ITPR1: variants seen among roughly 807,000 people sequenced by gnomAD.
ITPR1 encodes the protein inositol 1,4,5-trisphosphate receptor type 1, also known as inositol 1,4,5-trisphosphate-gated calcium channel ITPR1.
ITPR1 carries 96 observed loss-of-function variants against 318.4 expected under a neutral mutation model. The ratio of observed to expected loss-of-function variants is 0.30; its 90% confidence interval spans 0.26 to 0.36. The LOEUF is 0.36. ITPR1 is among the 10% of genes least tolerant of loss of function. ITPR1 has a pLI of 1.00. For missense variants in ITPR1, 2,440 were observed against 3,460.2 expected (o/e 0.71, Z 7.40); for synonymous variants, 1,312 against 1,289.9 (o/e 1.02, Z -0.37).
intron 61 of ITPR1, among the ~76,000 whole-genome samples, chr3:4,838,425 C>T (rs570822311): frequency 6.6e-6 from 1 of 151,964 alleles, no homozygotes; most frequent in East Asian, 1.9e-4. Flanking sequence ...CACTGCCCCC[C>T]CAACCCCCCA....
At chr3:4,640,464 G>T (rs946960413) in intron 6 of ITPR1, among the ~76,000 whole-genome samples, 1 of 152,272 alleles carries the variant, frequency 6.6e-6, no homozygotes, top group East Asian at 1.9e-4. Context: ...CTTCAGAATG[G>T]ACACAGGTGT....
rs370114114 is a variant in ITPR1, at chr3:4,717,222, C to T, written c.5104-145C>T. 351 of 717,902 alleles carry T rather than the reference C, an allele frequency of 4.9e-4. 6 individuals are homozygous for T. The South Asian group carries it at 4.9e-3, about 10-fold the overall frequency. 44.5% of individuals were successfully genotyped at this position (717,902 alleles called of 1,614,324 possible). A position where few individuals can be genotyped will look rare whatever the true frequency, so the allele number is the denominator to read the frequency against. On this transcript the variant is annotated intron_variant, in intron 39 of 61. Transcript: ENST00000649015. ...CTGTGAGCTCTGGCCGTGTCCTAAG[C>T]GCCCAAGCCTCTTAGGATGGTTACC...
At chr3:4,693,823 G>C (rs751090250) in intron 33 of ITPR1, 82 bp downstream of exon 33, 35 of 1,469,582 alleles carry the variant, frequency 2.4e-5, no homozygotes, top group African/African-American at 6.9e-5. Flanking sequence ...CATGGTGGTG[G>C]CTGGCCTGGG....
chr3:4,709,509 G>A (rs2125278955), intron 37 of ITPR1, among the ~76,000 whole-genome samples: 1 of 152,330 alleles, frequency 6.6e-6, no homozygotes, highest in South Asian at 2.1e-4. Context: ...CCAACGTGCT[G>A]TGTTTGGCCC....
intron 4 of ITPR1, among the ~76,000 whole-genome samples, chr3:4,578,923 G>C (rs139253749): frequency 2.6e-5 from 4 of 152,206 alleles, no homozygotes; most frequent in South Asian, 2.1e-4. Flanking sequence ...CAGGGTCAAG[G>C]CATCTTTTGT....
Position 4,815,047 on chromosome 3 carries a change from T to G in ITPR1, c.7702-6T>G, listed in dbSNP as rs2049202953. ...CCAGACTGATCCAGACACCTCTCTTTTCCAGGAACCCCTGTTTGCTGCTAG... is the reference window on the plus strand; with the variant it reads ...CCAGACTGATCCAGACACCTCTCTTGTCCAGGAACCCCTGTTTGCTGCTAG... On this transcript the variant is annotated splice_region_variant and splice_polypyrimidine_tract_variant and intron_variant, in intron 58 of 61. Coordinates refer to ENST00000649015, the MANE Select transcript of ITPR1 (RefSeq NM_001378452.1). The G allele has an allele frequency of 6.2e-7, 1 of 1,605,678 alleles. No individual in the cohort carries two copies. Among genetic ancestry groups the G allele is most frequent in the African/African-American group, 1.3e-5 (1 of 74,736 alleles).
chr3:4,510,337 T>C (rs567289165), intron 2 of ITPR1, among the ~76,000 whole-genome samples: 4 of 152,266 alleles, frequency 2.6e-5, no homozygotes, highest in African/African-American at 4.8e-5. Context: ...GGAAATGATA[T>C]GGTCTGATTT....
chr3:4,705,628 G>C (rs994039607), intron 36 of ITPR1, among the ~76,000 whole-genome samples: 1 of 152,178 alleles, frequency 6.6e-6, no homozygotes, highest in Non-Finnish European at 1.5e-5. Context: ...TTATGGGTTT[G>C]ACTGATGTTT....
At chr3:4,682,844 C>T (rs530688461) in intron 26 of ITPR1, among the ~76,000 whole-genome samples, 3 of 151,914 alleles carry the variant, frequency 2.0e-5, no homozygotes, top group South Asian at 4.2e-4. Context: ...AATTGACTAG[C>T]AGTGCTCAGT....
intron 10 of ITPR1, among the ~76,000 whole-genome samples, chr3:4,651,187 C>T (rs540762443): frequency 1.3e-5 from 2 of 152,286 alleles, no homozygotes; most frequent in African/African-American, 2.4e-5. Context: ...AGCTTTCAGA[C>T]ACCTTGTTTT....
intron 4 of ITPR1, among the ~76,000 whole-genome samples, chr3:4,573,497 C>G (rs1403310934): frequency 1.3e-5 from 2 of 152,170 alleles, no homozygotes; most frequent in Non-Finnish European, 2.9e-5. Flanking sequence ...AGAATATAAG[C>G]TACATATTGT....
chr3:4,590,679 G>C (rs554531498), intron 4 of ITPR1, among the ~76,000 whole-genome samples: 1 of 151,954 alleles, frequency 6.6e-6, no homozygotes, highest in Non-Finnish European at 1.5e-5. Context: ...GGGACTACAG[G>C]CATGTGCCAG....
Position 4,814,436 on chromosome 3 carries a change from A to C in ITPR1, c.7575A>C (p.Ala2525=). ...SPAPREELVP[A]EETEQDKEHT... is the part of the protein sequence containing the mutation. ...CCGTGTTCACAGAGCTGGTCCCTGC[A>C]GAAGAGACGGAACAGGATAAAGAGC... The change falls in exon 58 of 62, where the codon GCA becomes GCC. Residue 2525 remains alanine (A), a synonymous_variant. Transcript: ENST00000649015. The C allele has an allele frequency of 6.2e-7, 1 of 1,614,012 alleles. No homozygotes were observed. Among genetic ancestry groups the C allele is most frequent in the East Asian group, 2.2e-5 (1 of 44,878 alleles).
At chr3:4,523,365 T>A (rs1270333495) in intron 4 of ITPR1, among the ~76,000 whole-genome samples, 1 of 152,204 alleles carries the variant, frequency 6.6e-6, no homozygotes, top group Admixed American at 6.5e-5. Flanking sequence ...TGTTTTAGAA[T>A]ATGCATGTAT....
In ITPR1 at chr3:4,717,396, T is replaced by C. The variant is rs761900145; in HGVS notation, c.5133T>C (p.Ala1711=). The C allele has an allele frequency of 4.4e-6, 7 of 1,596,058 alleles. No homozygotes were observed. The highest frequency in any genetic ancestry group is 2.2e-5 in the East Asian group (1 of 44,884). The change falls in exon 40 of 62, where the codon GCT becomes GCC. Residue 1711 remains alanine, a synonymous_variant. Transcript: ENST00000649015. The part of the protein sequence containing the change: ...KLISIDELDN[A]ELPPAPDSEN... The stretch of plus-strand genomic sequence containing the variant: ...TTTCCATTGATGAATTGGATAATGC[T>C]GAGGTCCTAATTTTGTTGTTTTTTG...
intron 5 of ITPR1, among the ~76,000 whole-genome samples, chr3:4,629,590 T>G (rs2092950137): frequency 6.6e-6 from 1 of 152,240 alleles, no homozygotes; most frequent in African/African-American, 2.4e-5. Context: ...ACATAGTAGG[T>G]GCTCGGAAAT....
intron 4 of ITPR1, among the ~76,000 whole-genome samples, chr3:4,604,976 T>A (rs1233224581): frequency 1.3e-5 from 2 of 152,002 alleles, no homozygotes; most frequent in African/African-American, 4.8e-5. Context: ...CATGCTATTT[T>A]TTTTTGGGTG....
rs569845877 is a variant in ITPR1 at position 4,611,207 on chromosome 3, C to T, written c.164-16556C>T. Among the ~76,000 whole-genome samples, 189 of 127,942 alleles carry T rather than the reference C, an allele frequency of 1.5e-3. 1 individual carries two copies. Among genetic ancestry groups the T allele is most frequent in the Non-Finnish European group, 2.6e-3 (165 of 63,854 alleles). The allele number at this position is 127,942 out of a possible 152,430, so 83.9% of individuals were successfully genotyped here. On this transcript the variant is annotated intron_variant, in intron 4 of 61. Transcript: ENST00000649015. Reference sequence around the variant, plus strand: ...CACAGGAGGTTGAGACCAGCCTGGGCAACATGTCAAAACCTCATCTCTACA... The same window carrying T: ...CACAGGAGGTTGAGACCAGCCTGGGTAACATGTCAAAACCTCATCTCTACA...
At chr3:4,498,627 A>G (rs1332773556) in intron 2 of ITPR1, among the ~76,000 whole-genome samples, 2 of 152,214 alleles carry the variant, frequency 1.3e-5, no homozygotes. Flanking sequence ...ATCACATACC[A>G]GATGGGAACT....
Sources: gnomAD v4.1 joint callset for allele counts (sites outside exome capture counted in the v4.1 genomes callset) on GRCh38, gnomAD v4.1.1 for gene constraint, MANE v1.5 for transcripts, NCBI Gene and HGNC (gene_info 2026-07-23, HGNC 2026-07-21) for gene names.